Variants in FAT2 observed in about 807,000 individuals in gnomAD.
FAT2 encodes the protein FAT atypical cadherin 2, also known as protocadherin Fat 2.
A neutral mutation model predicts 295.3 loss-of-function variants in FAT2; 150 were observed. The ratio of observed to expected loss-of-function variants is 0.51; its 90% confidence interval spans 0.44 to 0.58. FAT2 has a LOEUF of 0.58. FAT2 is among the 20% of genes least tolerant of loss of function. FAT2 has a pLI of 0.00. For synonymous variants in FAT2, 2,026 were observed against 2,150.3 expected (o/e 0.94, Z 1.60); for missense variants, 4,868 against 5,442.7 (o/e 0.89, Z 3.32).
chr5:151,574,014 C>G (rs1758645468), intron 1 of FAT2, among the ~76,000 whole-genome samples: 1 of 152,196 alleles, frequency 6.6e-6, no homozygotes, highest in Non-Finnish European at 1.5e-5. Flanking sequence ...TCCCTTCCAA[C>G]TCATACGGGC....
chr5:151,570,225 T>C (rs2127652020), intron 1 of FAT2, among the ~76,000 whole-genome samples: 1 of 152,310 alleles, frequency 6.6e-6, no homozygotes, highest in East Asian at 1.9e-4. Flanking sequence ...TATTTATACC[T>C]GTTTCACCAC....
intron 14 of FAT2, among the ~76,000 whole-genome samples, chr5:151,530,482 A>T (rs1354217243): frequency 2.6e-5 from 4 of 152,240 alleles, no homozygotes; most frequent in Non-Finnish European, 5.9e-5. Context: ...ACATGACTCA[A>T]CTGTTTCATT....
intron 1 of FAT2, among the ~76,000 whole-genome samples, chr5:151,576,424 A>G (rs1405607267): frequency 2.6e-5 from 4 of 152,202 alleles, no homozygotes; most frequent in African/African-American, 9.6e-5. Flanking sequence ...AGTTTAAATC[A>G]ATTAAGTTAT....
chr5:151,570,839 C>G (rs1758493495), intron 1 of FAT2, among the ~76,000 whole-genome samples: 1 of 152,192 alleles, frequency 6.6e-6, no homozygotes. Flanking sequence ...CCCGTCTTGC[C>G]AGAGTCCTGT....
At chr5:151,562,104 A>T (rs534229527) in intron 3 of FAT2, among the ~76,000 whole-genome samples, 2 of 152,310 alleles carry the variant, frequency 1.3e-5, no homozygotes, top group South Asian at 2.1e-4. Flanking sequence ...CCCTGAGGTC[A>T]AAGGTTAACA....
intron 1 of FAT2, among the ~76,000 whole-genome samples, chr5:151,569,443 A>G (rs1379067850): frequency 6.6e-6 from 1 of 151,952 alleles, no homozygotes; most frequent in Admixed American, 6.6e-5. Context: ...TGATTCAATT[A>G]CCTCCCACTG....
At position 151,546,134 on chromosome 5, in the gene FAT2, A is replaced by G; in HGVS notation, c.4993T>C (p.Tyr1665His). 6.2e-7 allele frequency: 1 copy of G among 1,614,174 alleles called. No individual in the cohort carries two copies. Among genetic ancestry groups the G allele is most frequent in the Non-Finnish European group, 8.5e-7 (1 of 1,180,030 alleles). The change falls in exon 10 of 24, where the codon TAC (tyrosine) becomes CAC (histidine). Residue 1665 changes from tyrosine (Y) to histidine (H), a missense_variant. By Grantham distance (83) the Tyr-to-His change is moderately conservative (BLOSUM62 2). Transcript: ENST00000261800. ...RSAPIFSKSEYFVEIPESIPV... is the reference protein window; with the variant it reads ...RSAPIFSKSEHFVEIPESIPV... ...ATTGATTCAGGGATCTCTACAAAGT[A>G]CTCAGATTTTGAAAAGATGGGGGCA...
At chr5:151,553,528 T>A in intron 5 of FAT2, 141 bp from the exon 6 acceptor site, 1 of 744,630 alleles carries the variant, frequency 1.3e-6, no homozygotes, top group Non-Finnish European at 2.3e-6. Context: ...GATGCATACT[T>A]GAAGGCTTGC....
chr5:151,546,474 A>G (rs990642691), intron 9 of FAT2, 137 bp from the exon 10 acceptor site: 4 of 616,818 alleles, frequency 6.5e-6, no homozygotes, highest in African/African-American at 3.7e-5. Flanking sequence ...CACCCTGGAT[A>G]TAGTGTATAG....
chr5:151,561,560 T>C (rs938232707), intron 3 of FAT2, among the ~76,000 whole-genome samples: 1 of 152,132 alleles, frequency 6.6e-6, no homozygotes, highest in Admixed American at 6.5e-5. Context: ...CAGGCTAATT[T>C]TTGTATGTTT....
In FAT2 at chr5:151,567,403, T is replaced by C. The variant is rs1321534028; in HGVS notation, c.1529A>G (p.Tyr510Cys). Reference sequence around the variant, plus strand: ...TTTGGAGGTGGAGATGATCCCCAGGTAGGGGTCAATAGAAAATGGCAAAGC... The same window carrying C: ...TTTGGAGGTGGAGATGATCCCCAGGCAGGGGTCAATAGAAAATGGCAAAGC... ...PKALPFSIDP[Y>C]LGIISTSKPM... The change falls in exon 2 of 24, where the codon TAC becomes TGC. Residue 510 changes from tyrosine (Y) to cysteine (C), a missense_variant. By Grantham distance (194) the Tyr-to-Cys change is radical. Around this residue, in one of 5 missense-constraint regions of FAT2, gnomAD observed 3,297 missense variants for 3,669.4 expected, o/e 0.90. Coordinates refer to ENST00000261800, the MANE Select transcript of FAT2 (RefSeq NM_001447.3). The C allele has an allele frequency of 6.2e-7, 1 of 1,614,090 alleles. No individual in the cohort carries two copies.
rs78250969 is a variant in FAT2, at chr5:151,518,656, T to C, written c.11318-891A>G. On this transcript the variant is annotated intron_variant, in intron 19 of 23. Coordinates refer to ENST00000261800, the MANE Select transcript of FAT2 (RefSeq NM_001447.3). ...GAGAGAGGGGCAGTGATAGACTGTA[T>C]GGCCAAAACTTTTGTAAAGTCTGGC... 4.2e-3 allele frequency among the ~76,000 whole-genome samples: 643 copies of C among 152,340 alleles called. 3 individuals are homozygous for C. The highest frequency in any genetic ancestry group is 0.015 in the African/African-American group (613 of 41,564).
chr5:151,551,999 G>GTGTC (rs1433046624), intron 6 of FAT2, among the ~76,000 whole-genome samples: 1 of 151,816 alleles, frequency 6.6e-6, no homozygotes, highest in African/African-American at 2.4e-5. Flanking sequence ...GTGTGTGTGT[G>GTGTC]TGTGTGTGTG....
rs1756522697 is a variant in FAT2 at position 151,545,381 on chromosome 5, C to T, written c.5746G>A (p.Val1916Ile). 2.5e-6 allele frequency: 4 copies of T among 1,614,168 alleles called. No homozygotes were observed. Among genetic ancestry groups the T allele is most frequent in the Non-Finnish European group, 3.4e-6 (4 of 1,180,030 alleles). The change falls in exon 10 of 24, where the codon GTT becomes ATT. Residue 1916 changes from valine to isoleucine, a missense_variant. By Grantham distance (29) the Val-to-Ile change is conservative. This residue lies in a region of FAT2 where 3,297 missense variants were observed against 3,669.4 expected (regional missense o/e 0.90). Coordinates refer to ENST00000261800, the MANE Select transcript of FAT2 (RefSeq NM_001447.3). ...SIKTGNADEA[V>I]TIHPVTGSIS... ...CTACCAGTGACAGGATGGATGGTAACAGCTTCATCAGCATTGCCAGTTTTG... is the reference window on the plus strand; with the variant it reads ...CTACCAGTGACAGGATGGATGGTAATAGCTTCATCAGCATTGCCAGTTTTG...
At position 151,567,396 on chromosome 5, in the gene FAT2, C is replaced by T; in HGVS notation, c.1536G>A (p.Gly512=). 1 of 1,614,114 alleles carries T rather than the reference C, an allele frequency of 6.2e-7. No homozygotes were observed. Reference sequence around the variant, plus strand: ...CCATGGGTTTGGAGGTGGAGATGATCCCCAGGTAGGGGTCAATAGAAAATG... The same window carrying T: ...CCATGGGTTTGGAGGTGGAGATGATTCCCAGGTAGGGGTCAATAGAAAATG... ...ALPFSIDPYL[G]IISTSKPMDY... The change falls in exon 2 of 24, where the codon GGG becomes GGA. Residue 512 remains glycine, a synonymous_variant. Coordinates refer to ENST00000261800, the MANE Select transcript of FAT2 (RefSeq NM_001447.3).
At chr5:151,533,789 T>C (rs1330728051) in intron 13 of FAT2, among the ~76,000 whole-genome samples, 1 of 152,084 alleles carries the variant, frequency 6.6e-6, no homozygotes, top group Non-Finnish European at 1.5e-5. Flanking sequence ...GAGTTATATA[T>C]ATGTATGTAT....
chr5:151,553,123 G>T, intron 6 of FAT2, 54 bp downstream of exon 6: 2 of 1,541,098 alleles, frequency 1.3e-6, no homozygotes, highest in Non-Finnish European at 1.8e-6. Context: ...AACTAGAGCT[G>T]GTGTATAAGG....
intron 4 of FAT2, among the ~76,000 whole-genome samples, chr5:151,555,678 C>T (rs1438002884): frequency 6.6e-6 from 1 of 152,140 alleles, no homozygotes; most frequent in African/African-American, 2.4e-5. Context: ...CTAATAACAC[C>T]TGTTTCTTAC....
chr5:151,537,257 TAAG>T (rs778544857), intron 12 of FAT2, among the ~76,000 whole-genome samples: 88 of 135,984 alleles, frequency 6.5e-4, no homozygotes, highest in Non-Finnish European at 8.9e-4. Flanking sequence ...AGGAGAATAA[TAAG>T]AAGACGATGG....
Sources: gnomAD v4.1 joint callset for allele counts (sites outside exome capture counted in the v4.1 genomes callset) on GRCh38, gnomAD v4.1.1 for gene constraint, gnomAD v4.1.1 regional missense constraint, MANE v1.5 for transcripts, NCBI Gene and HGNC (gene_info 2026-07-23, HGNC 2026-07-21) for gene names.